CDYL: variants seen among roughly 807,000 people sequenced by gnomAD.
CDYL encodes the protein chromodomain Y like.
A neutral mutation model predicts 47.3 loss-of-function variants in CDYL; 8 were observed. The ratio of observed to expected loss-of-function variants is 0.17; its 90% CI spans 0.10 to 0.31. The LOEUF is 0.31. Ranked by LOEUF, CDYL falls within the 10% of genes least tolerant of loss-of-function variation. The pLI, the probability that CDYL is intolerant of heterozygous loss-of-function variation, is 1.00. For missense variants in CDYL, 471 were observed against 701.4 expected (o/e 0.67, Z 3.71); for synonymous variants, 266 against 265.0 (o/e 1.00, Z -0.04).
At chr6:4,805,862 C>T (rs1412160782) in intron 1 of CDYL, among the ~76,000 whole-genome samples, 2 of 152,224 alleles carry the variant, frequency 1.3e-5, no homozygotes, top group Non-Finnish European at 2.9e-5. Context: ...CTTCCAGAAA[C>T]ACCCCCACAG....
intron 3 of CDYL, among the ~76,000 whole-genome samples, chr6:4,757,604 A>G (rs1262601809): frequency 6.6e-6 from 1 of 152,230 alleles, no homozygotes; most frequent in African/African-American, 2.4e-5. Context: ...CAATATGAGA[A>G]TTCAACTCTA....
Position 4,937,518 on chromosome 6 carries a change from T to G in CDYL, c.949-47T>G, listed in dbSNP as rs200627193. 1.2e-3 allele frequency: 1,689 copies of G among 1,436,942 alleles called. 20 individuals are homozygous for G. The African/African-American group carries it at 0.022, about 19-fold the overall frequency. The allele number at this position is 1,436,942 out of a possible 1,614,324, so 89.0% of individuals were successfully genotyped here. A position where few individuals can be genotyped will look rare whatever the true frequency, so the allele number is the denominator to read the frequency against. On this transcript the variant is annotated intron_variant, in intron 3 of 6. Transcript: ENST00000397588. ...CCAAAAAAAAAAATGCTTTAAGATT[T>G]TAAACCCAAAATATTCTTTGCCACT...
intron 3 of CDYL, among the ~76,000 whole-genome samples, chr6:4,769,579 G>A (rs368483016): frequency 1.4e-4 from 21 of 152,044 alleles, no homozygotes; most frequent in African/African-American, 3.4e-4. Context: ...TTGATCTCTC[G>A]CATGATGGCT....
At chr6:4,828,686 AT>A (rs1462011521) in intron 1 of CDYL, among the ~76,000 whole-genome samples, 2 of 152,096 alleles carry the variant, frequency 1.3e-5, no homozygotes, top group African/African-American at 4.8e-5. Flanking sequence ...TTTGTCCATT[AT>A]TTATTTAGAT....
intron 1 of CDYL, among the ~76,000 whole-genome samples, chr6:4,854,648 C>G (rs1760952735): frequency 6.6e-6 from 1 of 152,178 alleles, no homozygotes; most frequent in African/African-American, 2.4e-5. Context: ...AAACAAGGTT[C>G]CAAGGCTTGG....
intron 1 of CDYL, among the ~76,000 whole-genome samples, chr6:4,864,988 A>G (rs180973349): frequency 2.0e-5 from 3 of 152,220 alleles, no homozygotes; most frequent in African/African-American, 7.2e-5. Context: ...TCAGTATGTC[A>G]GTGTGTTCAG....
intron 2 of CDYL, among the ~76,000 whole-genome samples, chr6:4,915,001 T>C (rs1207637944): frequency 6.6e-6 from 1 of 152,264 alleles, no homozygotes; most frequent in Non-Finnish European, 1.5e-5. Flanking sequence ...GTGCCCTGCC[T>C]GTGGTTTGCA....
At chr6:4,762,645 CAAAAAAA>C (rs1173404314) in intron 3 of CDYL, among the ~76,000 whole-genome samples, 579 of 39,690 alleles carry the variant, frequency 0.015, 10 homozygotes, top group African/African-American at 0.041. Context: ...TAAAGGGTAC[CAAAAAAA>C]AAAAAAAAAA....
chr6:4,898,446 A>G (rs190992225), intron 2 of CDYL, among the ~76,000 whole-genome samples: 85 of 152,336 alleles, frequency 5.6e-4, no homozygotes, highest in African/African-American at 2.0e-3. Context: ...GGTCCATGCT[A>G]GAGGCTTCCA....
At position 4,848,710 on chromosome 6, in the gene CDYL, G is replaced by A. The variant is rs138492795; in HGVS notation, c.25-43003G>A. 2.0e-4 allele frequency among the ~76,000 whole-genome samples: 30 copies of A among 152,346 alleles called. No individual in the cohort carries two copies. The East Asian group carries it at 5.8e-3, about 29-fold the overall frequency. ...TATTTATAGCTGCCCAATGGCTTGCGTCTGAGTCTTTATTTGGTTTTTAGG... is the reference window on the plus strand; with the variant it reads ...TATTTATAGCTGCCCAATGGCTTGCATCTGAGTCTTTATTTGGTTTTTAGG... On this transcript the variant is annotated intron_variant, in intron 1 of 6. Coordinates refer to ENST00000397588, the MANE Select transcript of CDYL (RefSeq NM_004824.4).
At chr6:4,747,300 T>TC (rs1268357972) in intron 3 of CDYL, among the ~76,000 whole-genome samples, 4 of 78,314 alleles carry the variant, frequency 5.1e-5, no homozygotes, top group African/African-American at 9.0e-5. Flanking sequence ...CAGCATGACT[T>TC]CATCTCAAAA....
chr6:4,842,098 T>C (rs918572647), intron 1 of CDYL, among the ~76,000 whole-genome samples: 1 of 144,076 alleles, frequency 6.9e-6, no homozygotes, highest in Non-Finnish European at 1.5e-5. Flanking sequence ...ATTTATATCA[T>C]ATATTTATAT....
At chr6:4,864,998 G>A (rs1761278298) in intron 1 of CDYL, among the ~76,000 whole-genome samples, 1 of 152,192 alleles carries the variant, frequency 6.6e-6, no homozygotes, top group Non-Finnish European at 1.5e-5. Context: ...AGTGTGTTCA[G>A]CTCTCTTATT....
intron 1 of CDYL, among the ~76,000 whole-genome samples, chr6:4,841,126 T>C (rs545599498): frequency 2.0e-5 from 3 of 152,340 alleles, no homozygotes; most frequent in Admixed American, 1.3e-4. Context: ...TGTTTCTTCC[T>C]GGTTTAGTCT....
intron 2 of CDYL, among the ~76,000 whole-genome samples, chr6:4,896,589 A>G (rs1349782435): frequency 2.0e-5 from 3 of 152,200 alleles, no homozygotes; most frequent in African/African-American, 7.2e-5. Context: ...GGCCAGAAAC[A>G]CAGACATTCC....
rs550997388 is a variant in CDYL, at chr6:4,950,022, G to A, written c.1333-2244G>A. Among the ~76,000 whole-genome samples, 104 of 152,270 alleles carry A rather than the reference G, an allele frequency of 6.8e-4. 1 individual carries two copies. Among genetic ancestry groups the A allele is most frequent in the African/African-American group, 2.4e-3 (101 of 41,552 alleles). The stretch of plus-strand genomic sequence containing the variant: ...GATGAGCAGGCCTGGAGCCGGCGGG[G>A]CTGTGGAGGAAGACCGGCCGCAATG... On this transcript the variant is annotated intron_variant, in intron 5 of 6. Coordinates refer to ENST00000397588, the MANE Select transcript of CDYL (RefSeq NM_004824.4).
At chr6:4,767,478 C>T (rs988019852) in intron 3 of CDYL, among the ~76,000 whole-genome samples, 6 of 151,646 alleles carry the variant, frequency 4.0e-5, no homozygotes, top group South Asian at 2.1e-4. Flanking sequence ...GAGGCTGAGG[C>T]GGGAGAATCG....
intron 3 of CDYL, among the ~76,000 whole-genome samples, chr6:4,749,897 G>A (rs1757961305): frequency 6.6e-6 from 1 of 152,138 alleles, no homozygotes; most frequent in Non-Finnish European, 1.5e-5. Context: ...AAAAAACAGG[G>A]CTATATGGTC....
upstream of CDYL, chr6:4,774,398 C>G (rs973155753): frequency 2.0e-5 from 3 of 152,124 alleles, no homozygotes; most frequent in Admixed American, 2.0e-4. Flanking sequence ...ATTGGTAAAC[C>G]TAGAGAGAAG....
Sources: gnomAD v4.1 joint callset for allele counts (sites outside exome capture counted in the v4.1 genomes callset) on GRCh38, gnomAD v4.1.1 for gene constraint, MANE v1.5 for transcripts, NCBI Gene and HGNC (gene_info 2026-07-23, HGNC 2026-07-21) for gene names.